Variants in EMC2 observed in about 807,000 individuals in gnomAD.
EMC2 encodes the protein TPR repeat protein 35.
Under a neutral mutation model 51.6 loss-of-function variants are expected in EMC2, and 37 were observed. The observed-to-expected ratio is 0.72, with a 90% CI of 0.55 to 0.94. The LOEUF (loss-of-function observed/expected upper bound fraction) is 0.94. EMC2 is among the 40% of genes least tolerant of loss of function. The pLI is 0.00. For synonymous variants in EMC2, 131 were observed against 112.4 expected (o/e 1.17, Z -1.04); for missense variants, 359 against 350.9 (o/e 1.02, Z -0.18).
intron 5 of EMC2, among the ~76,000 whole-genome samples, chr8:108,460,203 TAGG>T (rs1336765968): frequency 1.3e-5 from 2 of 152,238 alleles, no homozygotes; most frequent in African/African-American, 2.4e-5. Flanking sequence ...ATTTTGGAAT[TAGG>T]AGTACAATAT....
chr8:108,475,949 C>A lies in EMC2; in HGVS notation c.577C>A (p.Gln193Lys). ...TAATCCACACAACCACTTATACTGT[C>A]AGCAGTATGCTGAAGTAAGTGTTTT... Reference protein sequence around the residue: ...MTNPHNHLYCQQYAEVKYTQG... With the variant: ...MTNPHNHLYCKQYAEVKYTQG... Residue 193 changes from glutamine to lysine, a missense_variant, in exon 8 of 11, where the codon CAG becomes AAG. Physicochemically the swap from Gln to Lys is moderately conservative, Grantham distance 53 (BLOSUM62 1). Coordinates refer to ENST00000220853, the MANE Select transcript of EMC2 (RefSeq NM_014673.5). The A allele has an allele frequency of 1.3e-6, 2 of 1,578,774 alleles. No individual in the cohort carries two copies. The highest frequency in any genetic ancestry group is 1.7e-6 in the Non-Finnish European group (2 of 1,159,402).
At position 108,463,065 on chromosome 8, in the gene EMC2, A is replaced by ATT. The variant is rs1467340009; in HGVS notation, c.364-6760_364-6759insTT. ...TTACTTCTGAGGAAGACAGTATTTT[A>ATT]TACCTCTGAGTTGATTCCTTATACA... On this transcript the variant is annotated intron_variant, in intron 5 of 10. Transcript: ENST00000220853. Among the ~76,000 whole-genome samples, 8 of 152,216 alleles carry ATT rather than the reference A, an allele frequency of 5.3e-5. No homozygotes were observed. The East Asian group carries it at 9.6e-4, about 18-fold the overall frequency.
intron 1 of EMC2, among the ~76,000 whole-genome samples, chr8:108,448,005 T>C (rs1818920605): frequency 6.6e-6 from 1 of 152,172 alleles, no homozygotes; most frequent in Admixed American, 6.5e-5. Context: ...TTCTAGTGTT[T>C]GGTGTCCTAA....
chr8:108,480,716 C>T (rs2130413002), intron 10 of EMC2, among the ~76,000 whole-genome samples: 1 of 152,248 alleles, frequency 6.6e-6, no homozygotes, highest in Non-Finnish European at 1.5e-5. Flanking sequence ...ACCATCTCTC[C>T]TTCTTGCCCT....
rs534425690 is a variant in EMC2, at chr8:108,488,927, T to G, written c.*2329T>G. 6.6e-6 allele frequency among the ~76,000 whole-genome samples: 1 copy of G among 152,310 alleles called. No individual in the cohort carries two copies. Among genetic ancestry groups the G allele is most frequent in the East Asian group, 1.9e-4 (1 of 5,182 alleles). On this transcript the variant is annotated 3_prime_UTR_variant, in exon 11 of 11. Coordinates refer to ENST00000220853, the MANE Select transcript of EMC2 (RefSeq NM_014673.5). Reference sequence around the variant, plus strand: ...TACTGAGAAGGGCTTTCCTTTCAAATTAAAAAATCAGAGCTTTGTGTGGTA... The same window carrying G: ...TACTGAGAAGGGCTTTCCTTTCAAAGTAAAAAATCAGAGCTTTGTGTGGTA...
intron 5 of EMC2, among the ~76,000 whole-genome samples, chr8:108,462,222 T>TGTGTGTGTGTGTGC (rs71303986): frequency 6.6e-6 from 1 of 151,556 alleles, no homozygotes; most frequent in Non-Finnish European, 1.5e-5. Flanking sequence ...TTTGTGTGCG[T>TGTGTGTGTGTGTGC]GTGTGTGTAT....
intron 1 of EMC2, among the ~76,000 whole-genome samples, chr8:108,445,483 C>G (rs1438492983): frequency 6.6e-6 from 1 of 152,104 alleles, no homozygotes; most frequent in East Asian, 1.9e-4. Flanking sequence ...TTGCCTCACT[C>G]TTGCCCCCAT....
intron 5 of EMC2, among the ~76,000 whole-genome samples, chr8:108,456,328 G>A (rs1413050244): frequency 4.5e-5 from 4 of 89,602 alleles, no homozygotes; most frequent in East Asian, 3.2e-4. Flanking sequence ...GCAAGACTTC[G>A]TGTCAAAAAA....
chr8:108,477,921 A>C (rs1303087656), intron 9 of EMC2, among the ~76,000 whole-genome samples: 2 of 152,018 alleles, frequency 1.3e-5, no homozygotes, highest in Non-Finnish European at 1.5e-5. Flanking sequence ...GGTGAAACTG[A>C]GACACAGATT....
chr8:108,469,795 G>T, intron 5 of EMC2, 31 bp from the exon 6 acceptor site: 2 of 1,567,922 alleles, frequency 1.3e-6, no homozygotes, highest in South Asian at 2.2e-5. Flanking sequence ...GAATCATAAG[G>T]GCCTAATCCT....
At chr8:108,453,919 A>G (rs1287237248) in intron 4 of EMC2, among the ~76,000 whole-genome samples, 2 of 152,092 alleles carry the variant, frequency 1.3e-5, no homozygotes, top group African/African-American at 2.4e-5. Context: ...CATAATAATA[A>G]GGATTGTTGT....
intron 5 of EMC2, among the ~76,000 whole-genome samples, chr8:108,457,339 T>TGC (rs1819193721): frequency 3.6e-5 from 2 of 55,526 alleles, no homozygotes; most frequent in Non-Finnish European, 1.1e-4. Flanking sequence ...TGCGTGTGTG[T>TGC]GTGTGTGTGT....
intron 5 of EMC2, among the ~76,000 whole-genome samples, chr8:108,460,690 G>A (rs1819298534): frequency 6.6e-6 from 1 of 152,142 alleles, no homozygotes; most frequent in African/African-American, 2.4e-5. Flanking sequence ...CAGGTATACA[G>A]AAATATTCCA....
Position 108,461,714 on chromosome 8 carries a change from C to G in EMC2, c.363+5784C>G, listed in dbSNP as rs144904973. On this transcript the variant is annotated intron_variant, in intron 5 of 10. Transcript: ENST00000220853. ...ATCTTTTTTAAAGTTCTGAAATACT[C>G]TATTGAGAAAGTCATACACATGTTA... Among the ~76,000 whole-genome samples, 820 of 152,114 alleles carry G rather than the reference C, an allele frequency of 5.4e-3. 9 individuals carry two copies. Among genetic ancestry groups the G allele is most frequent in the African/African-American group, 0.018 (762 of 41,462 alleles).
intron 10 of EMC2, 59 bp downstream of exon 10, chr8:108,479,169 TACTACAA>T: frequency 2.1e-6 from 2 of 945,050 alleles, no homozygotes; most frequent in Non-Finnish European, 3.1e-6. Flanking sequence ...TTAGTTTTGT[TACTACAA>T]ACTACAAAGT....
chr8:108,486,965 G>C lies in EMC2; in HGVS notation c.*367G>C, dbSNP rs1360670741. 6.4e-6 allele frequency: 1 copy of C among 157,116 alleles called. No individual in the cohort carries two copies. The highest frequency in any genetic ancestry group is 2.4e-5 in the African/African-American group (1 of 41,640). The allele number at this position is 157,116 out of a possible 1,614,324, so 9.7% of individuals were successfully genotyped here. ...TTGTTATACTCACAGTGGATATATT[G>C]TTTAAGAACTCAGTTTCTAGTTAAC... On this transcript the variant is annotated 3_prime_UTR_variant, in exon 11 of 11. Coordinates refer to ENST00000220853, the MANE Select transcript of EMC2 (RefSeq NM_014673.5).
chr8:108,485,561 A>G (rs1254951773), intron 10 of EMC2, among the ~76,000 whole-genome samples: 5 of 145,266 alleles, frequency 3.4e-5, no homozygotes, highest in African/African-American at 1.3e-4. Flanking sequence ...ATATACACAC[A>G]CACACACATA....
chr8:108,482,073 CTT>C (rs1350222113), intron 10 of EMC2, among the ~76,000 whole-genome samples: 1 of 152,126 alleles, frequency 6.6e-6, no homozygotes, highest in Non-Finnish European at 1.5e-5. Context: ...GTATATTTAA[CTT>C]TAGTAGTTAA....
chr8:108,443,819 T>C, intron 1 of EMC2, 121 bp downstream of exon 1: 1 of 828,476 alleles, frequency 1.2e-6, no homozygotes, highest in Non-Finnish European at 2.0e-6. Flanking sequence ...GCCCTCACTG[T>C]ACGGGCCAAG....
Sources: allele counts gnomAD v4.1 joint callset (sites outside exome capture counted in the v4.1 genomes callset), GRCh38; gene constraint gnomAD v4.1.1; transcripts MANE v1.5; gene names NCBI Gene and HGNC (gene_info 2026-07-23, HGNC 2026-07-21).